TRAF6: variants seen among roughly 807,000 people sequenced by gnomAD.
TRAF6 encodes TNF receptor-associated factor 6.
A neutral mutation model predicts 48.4 loss-of-function variants in TRAF6; 10 were observed. The ratio of observed to expected loss-of-function variants is 0.21; its 90% confidence interval spans 0.13 to 0.35. The LOEUF (loss-of-function observed/expected upper bound fraction) is 0.35. TRAF6 is among the 10% of genes least tolerant of loss of function. The pLI is 1.00. For synonymous variants in TRAF6, 186 were observed against 219.6 expected, an observed-to-expected ratio of 0.85 and a Z score of 1.35; for missense variants, 397 against 661.0, an observed-to-expected ratio of 0.60 and a Z score of 4.38.
At chr11:36,506,566 A>C (rs768727921) in intron 1 of TRAF6, among the ~76,000 whole-genome samples, 3 of 152,172 alleles carry the variant, frequency 2.0e-5, no homozygotes, top group African/African-American at 4.8e-5. Flanking sequence ...CCAGTTTAAA[A>C]TATAGTTTAT....
chr11:36,505,964 T>A (rs1859778845), intron 1 of TRAF6, among the ~76,000 whole-genome samples: 1 of 152,082 alleles, frequency 6.6e-6, no homozygotes, highest in South Asian at 2.1e-4. Flanking sequence ...ACAATTACAA[T>A]AGTAACATCA....
At chr11:36,500,097 G>C (rs1431042052) in intron 2 of TRAF6, among the ~76,000 whole-genome samples, 1 of 152,188 alleles carries the variant, frequency 6.6e-6, no homozygotes, top group Non-Finnish European at 1.5e-5. Context: ...AAATAAAACA[G>C]ATCTAATACT....
Position 36,492,600 on chromosome 11 carries a change from G to A in TRAF6, c.707C>T (p.Pro236Leu). Residue 236 changes from proline to leucine, a missense_variant, in exon 6 of 7, where the codon CCT becomes CTT. Transcript: ENST00000526995. ...QMPNHYDLDC[P>L]TAPIPCTFST... ...GAATGTGCATGGAATTGGGGCTGTAGGGCAGTCTAGATCATAATGATTAGG... is the reference window on the plus strand; with the variant it reads ...GAATGTGCATGGAATTGGGGCTGTAAGGCAGTCTAGATCATAATGATTAGG... 1 of 1,612,328 alleles carries A rather than the reference G, an allele frequency of 6.2e-7. No homozygotes were observed. The highest frequency in any genetic ancestry group is 8.5e-7 in the Non-Finnish European group (1 of 1,179,556).
intron 5 of TRAF6, among the ~76,000 whole-genome samples, chr11:36,493,779 C>T (rs1345257795): frequency 2.0e-5 from 3 of 152,038 alleles, no homozygotes; most frequent in East Asian, 1.9e-4. Flanking sequence ...AAAAGGAAAA[C>T]GAGTTAGGAC....
intron 2 of TRAF6, among the ~76,000 whole-genome samples, chr11:36,499,681 C>G (rs994931033): frequency 1.3e-5 from 2 of 152,076 alleles, no homozygotes; most frequent in Non-Finnish European, 1.5e-5. Context: ...CATCTTTCCC[C>G]AAAATTGAAA....
chr11:36,501,877 T>C (rs562485774), intron 1 of TRAF6: 1 of 162,086 alleles, frequency 6.2e-6, no homozygotes, highest in African/African-American at 2.4e-5. Context: ...CTCTTCTATA[T>C]CACAATTATC....
rs557698663 is a variant in TRAF6, at chr11:36,484,358, T to C, written c.*5480A>G. On this transcript the variant is annotated 3_prime_UTR_variant, in exon 7 of 7. Coordinates refer to ENST00000526995, the MANE Select transcript of TRAF6 (RefSeq NM_004620.4). Reference sequence around the variant, plus strand: ...TCTCATAAAGGATGCATTTTCAGAGTCCAGATGGATTAGGATAACTGCTTA... The same window carrying C: ...TCTCATAAAGGATGCATTTTCAGAGCCCAGATGGATTAGGATAACTGCTTA... 6.6e-6 allele frequency among the ~76,000 whole-genome samples: 1 copy of C among 152,292 alleles called. No homozygotes were observed. The highest frequency in any genetic ancestry group is 2.1e-4 in the South Asian group (1 of 4,828).
intron 2 of TRAF6, among the ~76,000 whole-genome samples, chr11:36,499,985 T>A (rs1266610678): frequency 6.6e-6 from 1 of 152,240 alleles, no homozygotes; most frequent in Non-Finnish European, 1.5e-5. Context: ...TGTATCTATT[T>A]CCATGGAAAT....
Position 36,484,959 on chromosome 11 carries a change from ATTCCAG to A in TRAF6, c.*4873_*4878del, listed in dbSNP as rs1859460923. Among the ~76,000 whole-genome samples, 1 of 152,232 alleles carries A rather than the reference ATTCCAG, an allele frequency of 6.6e-6. No homozygotes were observed. The highest frequency in any genetic ancestry group is 1.5e-5 in the Non-Finnish European group (1 of 68,036). ...AAATTAGCTTAACGTGAGGGCTGCA[ATTCCAG>A]TTACAAAGCAAATGTCCCAAGTTCC... is the stretch of plus-strand genomic sequence containing the variant. On this transcript the variant is annotated 3_prime_UTR_variant, in exon 7 of 7. Transcript: ENST00000526995.
intron 1 of TRAF6, among the ~76,000 whole-genome samples, chr11:36,509,356 G>A (rs1175017931): frequency 6.6e-6 from 1 of 152,054 alleles, no homozygotes; most frequent in South Asian, 2.1e-4. Flanking sequence ...TTATCAACCC[G>A]GCGTCTGGAA....
chr11:36,484,515 C>T lies in TRAF6; in HGVS notation c.*5323G>A, dbSNP rs1428834319. On this transcript the variant is annotated 3_prime_UTR_variant, in exon 7 of 7. Coordinates refer to ENST00000526995, the MANE Select transcript of TRAF6 (RefSeq NM_004620.4). Reference sequence around the variant, plus strand: ...TACAGTTTACAGAATTATGAGAATCCTCCCTGGATTCACAGTGTCTTTCTT... The same window carrying T: ...TACAGTTTACAGAATTATGAGAATCTTCCCTGGATTCACAGTGTCTTTCTT... 6.6e-6 allele frequency among the ~76,000 whole-genome samples: 1 copy of T among 152,146 alleles called. No homozygotes were observed. The highest frequency in any genetic ancestry group is 1.5e-5 in the Non-Finnish European group (1 of 68,032).
intron 1 of TRAF6, among the ~76,000 whole-genome samples, chr11:36,508,597 C>A (rs1008898470): frequency 6.6e-6 from 1 of 151,938 alleles, no homozygotes; most frequent in Non-Finnish European, 1.5e-5. Flanking sequence ...GAAATTCATA[C>A]GAGTAAACAT....
Position 36,489,961 on chromosome 11 carries a change from T to C in TRAF6, c.1446A>G (p.Leu482=), listed in dbSNP as rs1232846906. 6.2e-6 allele frequency: 10 copies of C among 1,614,056 alleles called. No homozygotes were observed. The highest frequency in any genetic ancestry group is 1.7e-5 in the Admixed American group (1 of 59,998). ...CATCCTTAATGAAAGTTCTTTGTCT[T>C]AGGGCTTCCAGATGCATAAAAGTTA... is the stretch of plus-strand genomic sequence containing the variant. ...GYVTFMHLEA[L]RQRTFIKDDT... is the part of the protein sequence containing the mutation. The change falls in exon 7 of 7, where the codon CTA becomes CTG. Residue 482 remains leucine, a synonymous_variant. Coordinates refer to ENST00000526995, the MANE Select transcript of TRAF6 (RefSeq NM_004620.4).
chr11:36,491,400 TTTTA>T (rs1184561580), intron 6 of TRAF6, among the ~76,000 whole-genome samples: 1 of 152,218 alleles, frequency 6.6e-6, no homozygotes, highest in Non-Finnish European at 1.5e-5. Context: ...TCCATTAACA[TTTTA>T]TTTCTTTCTT....
At chr11:36,493,419 A>G (rs189918839) in intron 5 of TRAF6, among the ~76,000 whole-genome samples, 2 of 152,374 alleles carry the variant, frequency 1.3e-5, no homozygotes, top group Admixed American at 1.3e-4. Flanking sequence ...GTAAAGGATC[A>G]GATAGTAAAT....
rs1023926052 is a variant in TRAF6 at position 36,486,314 on chromosome 11, T to C, written c.*3524A>G. ...TCCACCTCCCAAAGTGCTGGGATTA[T>C]AGGCGTGAGCCACCGTGCCCAGCCT... On this transcript the variant is annotated 3_prime_UTR_variant, in exon 7 of 7. Coordinates refer to ENST00000526995, the MANE Select transcript of TRAF6 (RefSeq NM_004620.4). 6.6e-6 allele frequency among the ~76,000 whole-genome samples: 1 copy of C among 152,126 alleles called. No individual in the cohort carries two copies. The highest frequency in any genetic ancestry group is 2.4e-5 in the African/African-American group (1 of 41,394).
At position 36,490,321 on chromosome 11, in the gene TRAF6, C is replaced by T. The variant is rs747509379; in HGVS notation, c.1086G>A (p.Met362Ile). ...TCTCCTCTTCTTGACATTTCAAATG[C>T]ATTCCAAAGTTGCCAATCTTCCAAA... ...IYIWKIGNFG[M>I]HLKCQEEEKP... The change falls in exon 7 of 7, where the codon ATG becomes ATA. Residue 362 changes from methionine to isoleucine, a missense_variant. Physicochemically the swap from Met to Ile is conservative, Grantham distance 10 (BLOSUM62 1). This residue lies in a region of TRAF6 where 245 missense variants were observed against 349.1 expected (regional missense o/e 0.70). Transcript: ENST00000526995. The surrounding 1 kb of genome is among the most constrained non-coding windows in gnomAD (Gnocchi z 6.4). 25 of 1,614,078 alleles carry T rather than the reference C, an allele frequency of 1.5e-5. No homozygotes were observed. The highest frequency in any genetic ancestry group is 2.2e-5 in the East Asian group (1 of 44,892).
chr11:36,505,235 T>C (rs1484856975), intron 1 of TRAF6, among the ~76,000 whole-genome samples: 1 of 152,222 alleles, frequency 6.6e-6, no homozygotes, highest in African/African-American at 2.4e-5. Context: ...GGCATCTTTT[T>C]CCAATAAAAG....
intron 5 of TRAF6, among the ~76,000 whole-genome samples, chr11:36,493,195 C>T (rs1350101141): frequency 6.6e-6 from 1 of 152,164 alleles, no homozygotes; most frequent in Non-Finnish European, 1.5e-5. Flanking sequence ...AGTCTCAGTC[C>T]TGGATTTTGG....
Sources: allele counts gnomAD v4.1 joint callset (sites outside exome capture counted in the v4.1 genomes callset), GRCh38; gene constraint gnomAD v4.1.1; regional missense constraint gnomAD v4.1.1; non-coding constraint Gnocchi (gnomAD v3.1); transcripts MANE v1.5; gene names NCBI Gene and HGNC (gene_info 2026-07-23, HGNC 2026-07-21).